The following RRP12 variants were observed in gnomAD, a reference collection of about 807,000 sequenced individuals.
RRP12 encodes ribosomal RNA processing 12 homolog.
In RRP12, 78 loss-of-function variants were observed where a neutral mutation model predicts 157.3. The ratio of observed to expected loss-of-function variants is 0.50; its 90% CI spans 0.41 to 0.60. RRP12 has a LOEUF of 0.60. Ranked by LOEUF, RRP12 falls within the 20% of genes least tolerant of loss-of-function variation. The probability of loss-of-function intolerance (pLI) is 0.00; values close to 1 mark genes in which losing one functional copy is unlikely to be tolerated. For synonymous variants in RRP12, 726 were observed against 670.9 expected, an observed-to-expected ratio of 1.08 and a Z score of -1.27; for missense variants, 1,521 against 1,679.9, an observed-to-expected ratio of 0.91 and a Z score of 1.65.
At position 97,388,489 on chromosome 10, in the gene RRP12, C is replaced by G. The variant is rs757846301; in HGVS notation, c.889G>C (p.Gly297Arg). ...FCIQEIEKSG[G>R]SKEATTTLHM... ...CCTGCCCTCCATTTGGGTTCCCCAC[C>G]TCCAGACTTCTCAATCTCCTGGATG... The change falls in exon 7 of 34, where the codon GGC becomes CGC. Residue 297 changes from glycine to arginine, a missense_variant and splice_region_variant. Gly to Arg is a moderately radical substitution (Grantham distance 125). Transcript: ENST00000370992. 1.2e-6 allele frequency: 2 copies of G among 1,614,188 alleles called. No individual in the cohort carries two copies. The highest frequency in any genetic ancestry group is 2.2e-5 in the East Asian group (1 of 44,888).
rs1231466635 is a variant in RRP12 at position 97,398,032 on chromosome 10, T to TAC, written c.370-1732_370-1731insGT. Among the ~76,000 whole-genome samples the TAC allele has an allele frequency of 6.8e-4, 64 of 93,500 alleles. 4 individuals are homozygous for TAC. Among genetic ancestry groups the TAC allele is most frequent in the South Asian group, 1.7e-3 (5 of 2,912 alleles). 61.3% of individuals were successfully genotyped at this position (93,500 alleles called of 152,430 possible). On this transcript the variant is annotated intron_variant, in intron 2 of 33. Coordinates refer to ENST00000370992, the MANE Select transcript of RRP12 (RefSeq NM_015179.4). ...ATATATATATATATATGTATATATA[T>TAC]ATACGTATTTTTTTTTTTTTTTTTT...
intron 2 of RRP12, among the ~76,000 whole-genome samples, chr10:97,397,085 C>T (rs1844985116): frequency 6.6e-6 from 1 of 151,562 alleles, no homozygotes; most frequent in Non-Finnish European, 1.5e-5. Context: ...TTTAAATCAT[C>T]TCTAGATTAC....
chr10:97,357,477 C>G (rs1333265241), intron 33 of RRP12, among the ~76,000 whole-genome samples: 1 of 152,154 alleles, frequency 6.6e-6, no homozygotes, highest in Non-Finnish European at 1.5e-5. Context: ...TCCCTCTGCC[C>G]ACCCATCCCT....
chr10:97,368,263 C>A (rs538539909), intron 25 of RRP12, among the ~76,000 whole-genome samples: 2 of 151,818 alleles, frequency 1.3e-5, no homozygotes, highest in East Asian at 3.9e-4. Flanking sequence ...AATTCCTGAC[C>A]TCAAGTGATC....
At chr10:97,383,180 C>T (rs567427210) in intron 10 of RRP12, among the ~76,000 whole-genome samples, 20 of 152,264 alleles carry the variant, frequency 1.3e-4, no homozygotes, top group Non-Finnish European at 2.2e-4. Flanking sequence ...ATAAGCATCC[C>T]GGGACGCACA....
intron 33 of RRP12, 115 bp from the exon 34 acceptor site, chr10:97,357,311 T>C: frequency 4.7e-6 from 3 of 642,018 alleles, no homozygotes; most frequent in Non-Finnish European, 5.4e-6. Context: ...GGCCTCCAGG[T>C]GGTGGCCAGC....
chr10:97,400,232 G>T, intron 2 of RRP12, 73 bp downstream of exon 2: 1 of 1,118,894 alleles, frequency 8.9e-7, no homozygotes, highest in Non-Finnish European at 1.4e-6. Context: ...GAGACCTGTC[G>T]GCCAGAGCTG....
intron 14 of RRP12, 62 bp downstream of exon 14, chr10:97,379,566 T>G: frequency 6.2e-7 from 1 of 1,601,120 alleles, no homozygotes; most frequent in Non-Finnish European, 8.5e-7. Context: ...GCAGCAGACA[T>G]CCTTTCCAGG....
chr10:97,370,937 A>G lies in RRP12; in HGVS notation c.2488T>C (p.Ser830Pro), dbSNP rs1408517341. Residue 830 changes from serine (S) to proline (P), a missense_variant, in exon 21 of 34, where the codon TCA (serine) becomes CCA (proline). Ser to Pro is a moderately conservative substitution (Grantham distance 74). Transcript: ENST00000370992. ...AGAGCCCTCACCCTCTTGGCGGGTG[A>G]GGAGGTGCTCCGCAGCGAGTCCAGC... ...TLLDSLRSTS[S>P]PAKRPRLKCL... The G allele has an allele frequency of 2.5e-6, 4 of 1,613,942 alleles. No individual in the cohort carries two copies. In the South Asian group the frequency reaches 4.4e-5, roughly 18 times the overall value.
In RRP12 at chr10:97,398,023, G is replaced by GTATATA. The variant is rs200241210; in HGVS notation, c.370-1728_370-1723dup. 8.7e-5 allele frequency among the ~76,000 whole-genome samples: 5 copies of GTATATA among 57,330 alleles called. No homozygotes were observed. In the East Asian group the frequency reaches 1.5e-3, roughly 17 times the overall value. The allele number at this position is 57,330 out of a possible 152,430, so 37.6% of individuals were successfully genotyped here. ...TATATATACATATATATATATATAT[G>GTATATA]TATATATATATACGTATTTTTTTTT... is the stretch of plus-strand genomic sequence containing the variant. On this transcript the variant is annotated intron_variant, in intron 2 of 33. Coordinates refer to ENST00000370992, the MANE Select transcript of RRP12 (RefSeq NM_015179.4).
intron 25 of RRP12, among the ~76,000 whole-genome samples, chr10:97,368,962 C>G (rs1263640199): frequency 2.6e-5 from 4 of 152,196 alleles, no homozygotes; most frequent in African/African-American, 4.8e-5. Flanking sequence ...GGCCAGGGAC[C>G]CTATACCAAG....
chr10:97,399,531 A>T (rs1845077750), intron 2 of RRP12, among the ~76,000 whole-genome samples: 3 of 151,852 alleles, frequency 2.0e-5, no homozygotes, highest in African/African-American at 4.8e-5. Context: ...AATAACAAAA[A>T]ATATATATAA....
rs555986406 is a variant in RRP12, at chr10:97,397,628, G to A, written c.370-1327C>T. 1.1e-3 allele frequency among the ~76,000 whole-genome samples: 166 copies of A among 151,706 alleles called. 1 individual carries two copies. Among genetic ancestry groups the A allele is most frequent in the African/African-American group, 3.7e-3 (155 of 41,358 alleles). ...AACTATATATTAACTTATAAATATC[G>A]TTCAGTAGGGAAAAAGTTGCAGAAC... On this transcript the variant is annotated intron_variant, in intron 2 of 33. Coordinates refer to ENST00000370992, the MANE Select transcript of RRP12 (RefSeq NM_015179.4).
intron 12 of RRP12, 53 bp downstream of exon 12, chr10:97,381,333 A>G: frequency 7.5e-7 from 1 of 1,331,492 alleles, no homozygotes; most frequent in Non-Finnish European, 1.0e-6. Context: ...TATTATATAG[A>G]ACTTTCCTCA....
intron 21 of RRP12, 25 bp from the exon 22 acceptor site, chr10:97,370,821 G>A (rs772521712): frequency 2.5e-6 from 4 of 1,612,246 alleles, no homozygotes; most frequent in Non-Finnish European, 3.4e-6. Flanking sequence ...CTACCAGTCA[G>A]GACCCCTCAA....
Position 97,379,782 on chromosome 10 carries a change from A to G in RRP12, c.1534-12T>C. The G allele has an allele frequency of 1.3e-6, 2 of 1,595,914 alleles. No homozygotes were observed. The highest frequency in any genetic ancestry group is 1.7e-6 in the Non-Finnish European group (2 of 1,171,180). ...AGGGACTGGAGGCACTGCAGCAGAGATGAGTGACCACACATCAAGACATGC... is the reference window on the plus strand; with the variant it reads ...AGGGACTGGAGGCACTGCAGCAGAGGTGAGTGACCACACATCAAGACATGC... On this transcript the variant is annotated splice_polypyrimidine_tract_variant and intron_variant, in intron 13 of 33. Transcript: ENST00000370992.
At chr10:97,374,625 A>T (rs1844253115) in intron 15 of RRP12, among the ~76,000 whole-genome samples, 1 of 151,952 alleles carries the variant, frequency 6.6e-6, no homozygotes, top group Non-Finnish European at 1.5e-5. Flanking sequence ...ACAAAAAATT[A>T]GCCGGGAGTG....
At chr10:97,372,997 C>A in intron 18 of RRP12, 49 bp downstream of exon 18, 1 of 1,558,724 alleles carries the variant, frequency 6.4e-7, no homozygotes. Context: ...CTGACCCTGC[C>A]CACCTGAGAG....
chr10:97,361,976 A>G (rs1295499395), intron 30 of RRP12, among the ~76,000 whole-genome samples: 1 of 152,074 alleles, frequency 6.6e-6, no homozygotes, highest in Non-Finnish European at 1.5e-5. Context: ...GCGTGGTAGC[A>G]TGCACCTGTA....
Sources: gnomAD v4.1 joint callset for allele counts (sites outside exome capture counted in the v4.1 genomes callset) on GRCh38, gnomAD v4.1.1 for gene constraint, MANE v1.5 for transcripts, NCBI Gene and HGNC (gene_info 2026-07-23, HGNC 2026-07-21) for gene names.